PDE7B: variants seen among roughly 807,000 people sequenced by gnomAD.
PDE7B encodes phosphodiesterase 7B, also known as 3',5'-cyclic-AMP phosphodiesterase 7B.
Under a neutral mutation model 56.2 loss-of-function variants are expected in PDE7B, and 29 were observed. That is an observed-to-expected ratio of 0.52 (90% CI 0.38 to 0.70). The LOEUF is 0.70. Ranked by LOEUF, PDE7B falls within the 30% of genes least tolerant of loss-of-function variation. The probability of loss-of-function intolerance (pLI) is 0.00; values close to 1 mark genes in which losing one functional copy is unlikely to be tolerated. For synonymous variants in PDE7B, 197 were observed against 196.9 expected, an observed-to-expected ratio of 1.00 and a Z score of 0.00; for missense variants, 490 against 565.0, an observed-to-expected ratio of 0.87 and a Z score of 1.35.
intron 2 of PDE7B, among the ~76,000 whole-genome samples, chr6:136,019,809 TAAGG>T (rs541026887): frequency 5.4e-4 from 82 of 152,254 alleles, no homozygotes; most frequent in African/African-American, 1.9e-3. Context: ...AAGAAAATCA[TAAGG>T]AAGAGAAAAC....
At chr6:136,035,853 G>A (rs1298712258) in intron 2 of PDE7B, among the ~76,000 whole-genome samples, 2 of 152,300 alleles carry the variant, frequency 1.3e-5, no homozygotes, top group South Asian at 2.1e-4. Context: ...GAACAATGAA[G>A]TGTTGTGTTC....
chr6:135,949,348 C>T (rs1375600558), intron 2 of PDE7B, among the ~76,000 whole-genome samples: 1 of 152,040 alleles, frequency 6.6e-6, no homozygotes, highest in Non-Finnish European at 1.5e-5. Flanking sequence ...GATTTGAATT[C>T]ACTTAAAGTA....
chr6:135,883,545 A>G (rs1168173345), intron 1 of PDE7B, among the ~76,000 whole-genome samples: 2 of 152,186 alleles, frequency 1.3e-5, no homozygotes, highest in Non-Finnish European at 2.9e-5. Context: ...TCTGCAATAG[A>G]CGGTGCTTTA....
intron 2 of PDE7B, among the ~76,000 whole-genome samples, chr6:136,017,341 A>C (rs145919640): frequency 9.9e-5 from 15 of 152,272 alleles, no homozygotes; most frequent in Middle Eastern, 3.4e-3. Flanking sequence ...CAAACCTGAA[A>C]ACTTTTTTTT....
intron 2 of PDE7B, among the ~76,000 whole-genome samples, chr6:136,072,377 ATGAGT>A (rs1354793891): frequency 6.6e-6 from 1 of 152,086 alleles, no homozygotes; most frequent in African/African-American, 2.4e-5. Context: ...TTAAGTAGAG[ATGAGT>A]TCTTGCTGTG....
Position 136,057,361 on chromosome 6 carries a change from C to T in PDE7B, c.83-51370C>T, listed in dbSNP as rs933737828. ...TTTGGCTTAATTATATTTGCAATTC[C>T]CATGGTAAATCTTGAAAGTATCCTT... is the stretch of plus-strand genomic sequence containing the variant. On this transcript the variant is annotated intron_variant, in intron 2 of 12. Coordinates refer to ENST00000308191, the MANE Select transcript of PDE7B (RefSeq NM_018945.4). Among the ~76,000 whole-genome samples, 15 of 152,178 alleles carry T rather than the reference C, an allele frequency of 9.9e-5. 1 individual carries two copies. The highest frequency in any genetic ancestry group is 3.4e-4 in the African/African-American group (14 of 41,522).
intron 1 of PDE7B, among the ~76,000 whole-genome samples, chr6:135,865,670 GAGAGAC>G (rs1285696338): frequency 6.6e-6 from 1 of 151,578 alleles, no homozygotes; most frequent in Non-Finnish European, 1.5e-5. Context: ...GAGAGAGAGA[GAGAGAC>G]AGAGACAGAG....
intron 1 of PDE7B, among the ~76,000 whole-genome samples, chr6:135,870,082 G>T (rs1468999320): frequency 1.3e-5 from 2 of 152,200 alleles, no homozygotes; most frequent in Non-Finnish European, 2.9e-5. Context: ...AGAATGGGTT[G>T]TCAGCCTAGG....
chr6:136,005,798 G>A (rs374825287), intron 2 of PDE7B, among the ~76,000 whole-genome samples: 3 of 152,134 alleles, frequency 2.0e-5, no homozygotes, highest in South Asian at 2.1e-4. Flanking sequence ...TCAGTGTGGC[G>A]ATTCCTCAGG....
At chr6:135,860,724 CTTAATG>C (rs1022879361) in intron 1 of PDE7B, among the ~76,000 whole-genome samples, 44 of 152,038 alleles carry the variant, frequency 2.9e-4, no homozygotes, top group Non-Finnish European at 8.8e-5. Flanking sequence ...AAGAGTAAAA[CTTAATG>C]TTAGTGTATC....
At chr6:135,878,850 T>G (rs572881127) in intron 1 of PDE7B, among the ~76,000 whole-genome samples, 4 of 152,320 alleles carry the variant, frequency 2.6e-5, no homozygotes, top group Non-Finnish European at 5.9e-5. Flanking sequence ...GCAAAACATT[T>G]TATATATTCC....
At chr6:136,015,261 G>A (rs367718823) in intron 2 of PDE7B, among the ~76,000 whole-genome samples, 8 of 152,298 alleles carry the variant, frequency 5.3e-5, no homozygotes, top group Non-Finnish European at 8.8e-5. Flanking sequence ...TGATCACTGC[G>A]GGGGTCGGGG....
chr6:135,956,549 C>T (rs1380079344), intron 2 of PDE7B, among the ~76,000 whole-genome samples: 2 of 152,044 alleles, frequency 1.3e-5, no homozygotes, highest in Non-Finnish European at 2.9e-5. Context: ...GAGGCCAAGG[C>T]AGGCAGATCA....
At chr6:135,981,016 A>G (rs1231461560) in intron 2 of PDE7B, among the ~76,000 whole-genome samples, 2 of 148,798 alleles carry the variant, frequency 1.3e-5, no homozygotes, top group African/African-American at 2.5e-5. Context: ...TCACAATAGC[A>G]AAGACTTGGA....
chr6:135,922,555 A>C (rs926792815), intron 1 of PDE7B, among the ~76,000 whole-genome samples: 1 of 152,124 alleles, frequency 6.6e-6, no homozygotes, highest in African/African-American at 2.4e-5. Context: ...GTTAATTACC[A>C]TATTGGAGAG....
intron 3 of PDE7B, among the ~76,000 whole-genome samples, chr6:136,143,796 A>G (rs773469685): frequency 5.3e-5 from 8 of 152,098 alleles, no homozygotes; most frequent in Non-Finnish European, 1.2e-4. Context: ...CTTAATTTCA[A>G]TGTCATTATC....
At chr6:135,873,141 C>T (rs964663409) in intron 1 of PDE7B, among the ~76,000 whole-genome samples, 3 of 152,026 alleles carry the variant, frequency 2.0e-5, no homozygotes, top group African/African-American at 4.8e-5. Context: ...GAGCTGAGAG[C>T]GAAACAAATC....
intron 1 of PDE7B, among the ~76,000 whole-genome samples, chr6:135,933,232 T>A (rs537345463): frequency 6.6e-6 from 1 of 152,376 alleles, no homozygotes; most frequent in Admixed American, 6.5e-5. Context: ...CATATGTATC[T>A]GTGTATAAAT....
Position 136,077,735 on chromosome 6 carries a change from G to A in PDE7B, c.83-30996G>A, listed in dbSNP as rs184695738. 1.1e-4 allele frequency among the ~76,000 whole-genome samples: 16 copies of A among 152,238 alleles called. No homozygotes were observed. In the East Asian group the frequency reaches 1.2e-3, roughly 11 times the overall value. ...TATTATGGTATTGTATAATATTCCT[G>A]CACTAATATGTGTTAAAAGGGTTCT... On this transcript the variant is annotated intron_variant, in intron 2 of 12. Transcript: ENST00000308191.
Sources: gnomAD v4.1 joint callset for allele counts (sites outside exome capture counted in the v4.1 genomes callset) on GRCh38, gnomAD v4.1.1 for gene constraint, MANE v1.5 for transcripts, NCBI Gene and HGNC (gene_info 2026-07-23, HGNC 2026-07-21) for gene names.